The following AP3B2 variants were observed in gnomAD, a reference collection of about 807,000 sequenced individuals.
AP3B2 encodes the protein AP-3 complex subunit beta-2.
AP3B2 carries 50 observed loss-of-function variants against 126.9 expected under a neutral mutation model. That is an observed-to-expected ratio of 0.39 (90% CI 0.31 to 0.50). The LOEUF (loss-of-function observed/expected upper bound fraction) is 0.50, where lower values mean the gene tolerates loss of function less well. AP3B2 is among the 20% of genes least tolerant of loss of function. The probability of loss-of-function intolerance (pLI) is 0.79; values close to 1 mark genes in which losing one functional copy is unlikely to be tolerated. For missense variants in AP3B2, 1,177 were observed against 1,426.4 expected, an observed-to-expected ratio of 0.83 and a Z score of 2.82; for synonymous variants, 541 against 565.0, an observed-to-expected ratio of 0.96 and a Z score of 0.60.
chr15:82,682,270 C>T (rs984295223), intron 4 of AP3B2, among the ~76,000 whole-genome samples: 2 of 151,950 alleles, frequency 1.3e-5, no homozygotes, highest in Non-Finnish European at 2.9e-5. Flanking sequence ...CCAGGCTGGT[C>T]TCGAACTCCT....
Position 82,681,903 on chromosome 15 carries a change from T to C in AP3B2, c.361-323A>G, listed in dbSNP as rs530373211. Among the ~76,000 whole-genome samples the C allele has an allele frequency of 7.2e-5, 11 of 152,104 alleles. No individual in the cohort carries two copies. The highest frequency in any genetic ancestry group is 1.0e-4 in the Non-Finnish European group (7 of 68,016). On this transcript the variant is annotated intron_variant, in intron 4 of 26. Transcript: ENST00000535359. The surrounding 1 kb of genome is among the most constrained non-coding windows in gnomAD (Gnocchi z 4.0). The stretch of plus-strand genomic sequence containing the variant: ...GTAAGGGTTTTTTTGGAGGTGCCTG[T>C]TTTAATGCCTGAGGTGACCGCCCAG...
chr15:82,679,648 G>T, intron 10 of AP3B2, 81 bp downstream of exon 10: 1 of 1,314,914 alleles, frequency 7.6e-7, no homozygotes, highest in Non-Finnish European at 1.1e-6. Flanking sequence ...GCAGGCACCA[G>T]GGGGGCCACT....
intron 1 of AP3B2, 149 bp downstream of exon 1, chr15:82,709,445 C>G (rs1261742749): frequency 1.3e-4 from 45 of 334,672 alleles, no homozygotes; most frequent in Non-Finnish European, 1.8e-4. Context: ...GGCCGGGGCT[C>G]CAGGCCGCAG....
chr15:82,696,931 G>A (rs1006755757), intron 1 of AP3B2, among the ~76,000 whole-genome samples: 1 of 152,234 alleles, frequency 6.6e-6, no homozygotes, highest in Non-Finnish European at 1.5e-5. Flanking sequence ...GTGGTGAGCA[G>A]CTGTGTGTGG....
chr15:82,698,973 G>C (rs1221719828), intron 1 of AP3B2, among the ~76,000 whole-genome samples: 1 of 152,166 alleles, frequency 6.6e-6, no homozygotes, highest in Non-Finnish European at 1.5e-5. Flanking sequence ...ACCACCTGAG[G>C]TGAGACCGCC....
At chr15:82,706,187 C>T (rs1011807926) in intron 1 of AP3B2, among the ~76,000 whole-genome samples, 3 of 152,164 alleles carry the variant, frequency 2.0e-5, no homozygotes, top group African/African-American at 4.8e-5. Flanking sequence ...CTCTACAGTT[C>T]TCATAACTTC....
intron 1 of AP3B2, among the ~76,000 whole-genome samples, chr15:82,695,388 T>C (rs529123117): frequency 1.3e-5 from 2 of 152,242 alleles, no homozygotes; most frequent in Admixed American, 1.3e-4. Flanking sequence ...CGTGAGCTGC[T>C]GTGCCCAGCT....
intron 25 of AP3B2, among the ~76,000 whole-genome samples, chr15:82,660,231 AT>A (rs1048357652): frequency 2.0e-5 from 3 of 152,080 alleles, no homozygotes; most frequent in Admixed American, 6.5e-5. Context: ...CCAAAGACTG[AT>A]TTGGCGCTTC....
intron 14 of AP3B2, among the ~76,000 whole-genome samples, chr15:82,676,203 G>A (rs1164331996): frequency 6.6e-6 from 1 of 152,136 alleles, no homozygotes; most frequent in African/African-American, 2.4e-5. Context: ...TTCCAAGGTG[G>A]CAGACAGGAC....
chr15:82,680,907 C>T lies in AP3B2; in HGVS notation c.701G>A (p.Trp234Ter), dbSNP rs775376816. Residue 234 changes from tryptophan to a stop codon, truncating the protein, a stop_gained, in exon 7 of 27, where the codon TGG becomes TAG. Transcript: ENST00000535359. LOFTEE classifies it high-confidence loss of function. This position sits in a 1 kb window ranked among gnomAD's most constrained non-coding sequence, Gnocchi z 6.1. ...CATGCTGATGATGACCACCTGGCCC[C>T]ACTCCTCCACGTCGATCAGCAGGTT... ...LCNLLIDVEEWGQVVIISMLT... is the reference protein window; with the variant it reads ...LCNLLIDVEE 1.2e-6 allele frequency: 2 copies of T among 1,613,860 alleles called. No homozygotes were observed. Among genetic ancestry groups the T allele is most frequent in the African/African-American group, 1.3e-5 (1 of 74,912 alleles).
intron 1 of AP3B2, chr15:82,708,648 G>A (rs1288297761): frequency 2.6e-5 from 4 of 152,298 alleles, no homozygotes; most frequent in Non-Finnish European, 5.9e-5. Flanking sequence ...ATCTGATTAT[G>A]TCGCCTGCTT....
rs750913808 is a variant in AP3B2 at position 82,680,618 on chromosome 15, C to G, written c.909G>C (p.Arg303=). ...GGGGTTTGGTGTTGCGCAGCAGCAG[C>G]CGGTGGTCGGGGTCCATGACATAGG... ...RKPYVMDPDH[R]LLLRNTKPLL... The change falls in exon 8 of 27, where the codon CGG becomes CGC. Residue 303 remains arginine, a synonymous_variant. Transcript: ENST00000535359. This position sits in a 1 kb window ranked among gnomAD's most constrained non-coding sequence, Gnocchi z 6.1. 1 of 1,596,234 alleles carries G rather than the reference C, an allele frequency of 6.3e-7. No individual in the cohort carries two copies. The highest frequency in any genetic ancestry group is 1.1e-5 in the South Asian group (1 of 90,684).
chr15:82,675,032 A>T (rs765405823), intron 14 of AP3B2, among the ~76,000 whole-genome samples: 3 of 152,198 alleles, frequency 2.0e-5, no homozygotes, highest in Non-Finnish European at 4.4e-5. Context: ...AGGCTGCTTC[A>T]TCTTTTCAAA....
chr15:82,684,422 C>T (rs1344251770), intron 4 of AP3B2, among the ~76,000 whole-genome samples: 1 of 152,204 alleles, frequency 6.6e-6, no homozygotes, highest in African/African-American at 2.4e-5. Flanking sequence ...AGCTTCCTCA[C>T]CTCTCTCAGC....
chr15:82,688,925 G>A (rs548023716), intron 3 of AP3B2, 94 bp from the exon 4 acceptor site: 13 of 1,240,194 alleles, frequency 1.0e-5, no homozygotes, highest in Middle Eastern at 1.9e-4. Flanking sequence ...AGCCAGCTGC[G>A]GTCCATGGGG....
In AP3B2 at chr15:82,689,223, G is replaced by A. The variant is rs775024756; in HGVS notation, c.199C>T (p.Arg67Ter). The change falls in exon 3 of 27, where the codon CGA (arginine) becomes TGA (stop). Residue 67 changes from arginine to a stop codon, truncating the protein, a stop_gained. Coordinates refer to ENST00000535359, the MANE Select transcript of AP3B2 (RefSeq NM_001278512.2). LOFTEE classifies it high-confidence loss of function. ...AACAGGTCTGAAGCATTCTTTCCTCGGGCAATCATCTGGGTGGTGGGGTCA... is the reference window on the plus strand; with the variant it reads ...AACAGGTCTGAAGCATTCTTTCCTCAGGCAATCATCTGGGTGGTGGGGTCA... ...AMKRIVAMIA[R>*]GKNASDLFPA... 1.2e-6 allele frequency: 2 copies of A among 1,613,966 alleles called. No homozygotes were observed. The highest frequency in any genetic ancestry group is 1.7e-5 in the Admixed American group (1 of 60,012).
intron 10 of AP3B2, among the ~76,000 whole-genome samples, chr15:82,679,401 C>T (rs1567264813): frequency 6.6e-6 from 1 of 152,166 alleles, no homozygotes; most frequent in Non-Finnish European, 1.5e-5. Flanking sequence ...TGGGATTAGG[C>T]GTGAGCCACT....
intron 1 of AP3B2, among the ~76,000 whole-genome samples, chr15:82,706,046 G>A (rs531857860): frequency 2.0e-5 from 3 of 152,256 alleles, no homozygotes; most frequent in African/African-American, 7.2e-5. Flanking sequence ...CTGGGACCAC[G>A]CCCTGTAGCC....
Position 82,680,029 on chromosome 15 carries a change from G to T in AP3B2, c.1110+146C>A. 1.7e-6 allele frequency: 2 copies of T among 1,209,182 alleles called. No homozygotes were observed. Among genetic ancestry groups the T allele is most frequent in the Non-Finnish European group, 2.3e-6 (2 of 861,540 alleles). The allele number at this position is 1,209,182 out of a possible 1,614,324, so 74.9% of individuals were successfully genotyped here. A position where few individuals can be genotyped will look rare whatever the true frequency, so the allele number is the denominator to read the frequency against. ...CAGGCCCTGCTCCCTATCTGTATTT[G>T]GAGCCTCCCCTGCCCCATCCTCTGC... On this transcript the variant is annotated intron_variant, in intron 9 of 26. Transcript: ENST00000535359. The surrounding 1 kb of genome is among the most constrained non-coding windows in gnomAD (Gnocchi z 6.1).
Sources: allele counts gnomAD v4.1 joint callset (sites outside exome capture counted in the v4.1 genomes callset), GRCh38; gene constraint gnomAD v4.1.1; non-coding constraint Gnocchi (gnomAD v3.1); transcripts MANE v1.5; gene names NCBI Gene and HGNC (gene_info 2026-07-23, HGNC 2026-07-21).